Variants in ASTN1 observed in about 807,000 individuals in gnomAD.
The protein encoded by ASTN1 is astrotactin-1.
In ASTN1, 41 loss-of-function variants were observed where a neutral mutation model predicts 140.7. The ratio of observed to expected loss-of-function variants is 0.29; its 90% CI spans 0.23 to 0.38. The LOEUF is 0.38. Ranked by LOEUF, ASTN1 falls within the 10% of genes least tolerant of loss-of-function variation. The pLI, the probability that ASTN1 is intolerant of heterozygous loss-of-function variation, is 1.00. For synonymous variants in ASTN1, 640 were observed against 652.2 expected, an observed-to-expected ratio of 0.98 and a Z score of 0.29; for missense variants, 1,479 against 1,678.8, an observed-to-expected ratio of 0.88 and a Z score of 2.08.
chr1:177,138,031 T>C (rs1427343198), intron 1 of ASTN1, among the ~76,000 whole-genome samples: 1 of 152,092 alleles, frequency 6.6e-6, no homozygotes, highest in African/African-American at 2.4e-5. Flanking sequence ...AAGAGGATTA[T>C]AATAGGGTAC....
intron 8 of ASTN1, among the ~76,000 whole-genome samples, chr1:177,001,790 A>C (rs979796698): frequency 6.6e-6 from 1 of 152,294 alleles, no homozygotes; most frequent in East Asian, 1.9e-4. Context: ...CAGGCATGCA[A>C]AGTACAATGG....
chr1:176,988,991 T>C (rs1035164384), intron 8 of ASTN1, among the ~76,000 whole-genome samples: 5 of 152,206 alleles, frequency 3.3e-5, no homozygotes, highest in African/African-American at 1.2e-4. Flanking sequence ...ATGGAATTAG[T>C]ATCAAGTCTA....
At chr1:177,071,491 A>G (rs1377860304) in intron 1 of ASTN1, among the ~76,000 whole-genome samples, 1 of 152,222 alleles carries the variant, frequency 6.6e-6, no homozygotes, top group Non-Finnish European at 1.5e-5. Flanking sequence ...AAATGCCAAG[A>G]AGTACTGCAC....
chr1:177,099,047 AT>A (rs1461562496), intron 1 of ASTN1, among the ~76,000 whole-genome samples: 1 of 152,148 alleles, frequency 6.6e-6, no homozygotes, highest in Non-Finnish European at 1.5e-5. Flanking sequence ...CATAAAGACC[AT>A]TTTTTTCTAT....
chr1:176,890,925 G>A (rs960901314), intron 17 of ASTN1, among the ~76,000 whole-genome samples: 1 of 152,144 alleles, frequency 6.6e-6, no homozygotes, highest in Admixed American at 6.5e-5. Flanking sequence ...TACTCAGGAG[G>A]CTGAGGCAGG....
intron 22 of ASTN1, 89 bp downstream of exon 22, chr1:176,868,755 C>A: frequency 7.3e-7 from 1 of 1,366,916 alleles, no homozygotes; most frequent in Non-Finnish European, 9.9e-7. Flanking sequence ...TCCAGGAAAT[C>A]TCTACAACTT....
chr1:176,870,413 T>C (rs1171436441), intron 21 of ASTN1, among the ~76,000 whole-genome samples: 1 of 152,236 alleles, frequency 6.6e-6, no homozygotes, highest in East Asian at 1.9e-4. Context: ...AGAGTTGGAA[T>C]GAATAAAGTT....
chr1:176,993,454 G>C (rs1301949144), intron 8 of ASTN1, among the ~76,000 whole-genome samples: 1 of 152,080 alleles, frequency 6.6e-6, no homozygotes, highest in Admixed American at 6.6e-5. Flanking sequence ...AGGCTTTCTG[G>C]AATAGGAGTT....
intron 8 of ASTN1, among the ~76,000 whole-genome samples, chr1:176,968,968 G>A (rs1673012722): frequency 6.6e-6 from 1 of 152,124 alleles, no homozygotes; most frequent in South Asian, 2.1e-4. Flanking sequence ...GTCTGGCAGG[G>A]GAGCTTGGTG....
At chr1:177,126,596 G>T (rs227505) in intron 1 of ASTN1, among the ~76,000 whole-genome samples, 37,919 of 152,028 alleles carry the variant, frequency 0.25, 7,245 homozygotes, top group African/African-American at 0.54. Context: ...TTCCATGGAC[G>T]GCCCCAAAGA....
intron 2 of ASTN1, among the ~76,000 whole-genome samples, chr1:177,053,631 T>TA (rs1299537746): frequency 6.6e-6 from 1 of 152,242 alleles, no homozygotes; most frequent in Non-Finnish European, 1.5e-5. Flanking sequence ...TCAATGATTT[T>TA]AAAAAATCAA....
At chr1:176,977,096 T>C (rs1673399937) in intron 8 of ASTN1, among the ~76,000 whole-genome samples, 1 of 152,164 alleles carries the variant, frequency 6.6e-6, no homozygotes, top group South Asian at 2.1e-4. Context: ...ATAGAAAACA[T>C]AGCTTCCTAC....
chr1:176,988,838 A>G (rs903027146), intron 8 of ASTN1, among the ~76,000 whole-genome samples: 1 of 152,222 alleles, frequency 6.6e-6, no homozygotes. Context: ...CAGCATTAAG[A>G]TGCATAGCCT....
intron 16 of ASTN1, among the ~76,000 whole-genome samples, chr1:176,929,973 A>G (rs1173356265): frequency 6.6e-6 from 1 of 152,154 alleles, no homozygotes; most frequent in Non-Finnish European, 1.5e-5. Flanking sequence ...GCACCACTGC[A>G]CTCCAGCCTG....
Position 176,862,880 on chromosome 1 carries a change from A to ATC in ASTN1, c.*1402_*1403dup. 1.0e-6 allele frequency: 1 copy of ATC among 985,458 alleles called. No individual in the cohort carries two copies. Among genetic ancestry groups the ATC allele is most frequent in the South Asian group, 4.7e-5 (1 of 21,284 alleles). 61.0% of individuals were successfully genotyped at this position (985,458 alleles called of 1,614,324 possible). On this transcript the variant is annotated 3_prime_UTR_variant, in exon 23 of 23. Transcript: ENST00000361833. ...CAATGACTAGCCTTATAGGTCTTGC[A>ATC]TCTGTTTGCTGACCTTTCTCATATG...
rs530112790 is a variant in ASTN1, at chr1:177,044,629, A to G, written c.472-11780T>C. ...CTCTGCTATTGTTTGTCAGGTTTTGATTTGCTGATGAGTGGCTCGATCATG... is the reference window on the plus strand; with the variant it reads ...CTCTGCTATTGTTTGTCAGGTTTTGGTTTGCTGATGAGTGGCTCGATCATG... On this transcript the variant is annotated intron_variant, in intron 2 of 22. Transcript: ENST00000361833. 3.9e-5 allele frequency among the ~76,000 whole-genome samples: 6 copies of G among 152,296 alleles called. No homozygotes were observed. In the East Asian group the frequency reaches 9.7e-4, roughly 25 times the overall value.
intron 8 of ASTN1, among the ~76,000 whole-genome samples, chr1:177,008,600 A>G (rs1413218488): frequency 6.6e-6 from 1 of 150,974 alleles, no homozygotes; most frequent in African/African-American, 2.4e-5. Context: ...GAGGAGGAAG[A>G]GAAGAAGAAG....
intron 14 of ASTN1, among the ~76,000 whole-genome samples, chr1:176,942,890 A>C (rs1671801065): frequency 8.4e-6 from 1 of 119,210 alleles, no homozygotes; most frequent in South Asian, 3.0e-4. Context: ...TGTCTCCTTA[A>C]AATGCGTAAA....
chr1:176,979,535 T>A (rs1287473750), intron 8 of ASTN1, among the ~76,000 whole-genome samples: 1 of 152,214 alleles, frequency 6.6e-6, no homozygotes. Context: ...TTTTTCACAA[T>A]CTGTAAGTAC....
Sources: gnomAD v4.1 joint callset for allele counts (sites outside exome capture counted in the v4.1 genomes callset) on GRCh38, gnomAD v4.1.1 for gene constraint, MANE v1.5 for transcripts, NCBI Gene and HGNC (gene_info 2026-07-23, HGNC 2026-07-21) for gene names.